CSMD1: variants seen among roughly 807,000 people sequenced by gnomAD.
CSMD1 encodes CUB and Sushi multiple domains 1, also known as CUB and sushi domain-containing protein 1.
Under a neutral mutation model 417.5 loss-of-function variants are expected in CSMD1, and 213 were observed. That is an observed-to-expected ratio of 0.51 (90% CI 0.46 to 0.57). The LOEUF (loss-of-function observed/expected upper bound fraction) is 0.57. Among genes scored for constraint, CSMD1 ranks in the 20% least tolerant of loss-of-function variants. The pLI is 0.00. For synonymous variants in CSMD1, 2,862 were observed against 1,736.8 expected, an observed-to-expected ratio of 1.65 and a Z score of -16.11; for missense variants, 6,923 against 4,529.7, an observed-to-expected ratio of 1.53 and a Z score of -15.17.
intron 49 of CSMD1, among the ~76,000 whole-genome samples, chr8:3,057,633 C>T (rs954810722): frequency 2.6e-5 from 4 of 152,112 alleles, no homozygotes; most frequent in South Asian, 2.1e-4. Flanking sequence ...AAACGTTATT[C>T]GACTTTCTTA....
At chr8:3,692,385 T>G (rs1344103459) in intron 7 of CSMD1, among the ~76,000 whole-genome samples, 1 of 152,112 alleles carries the variant, frequency 6.6e-6, no homozygotes, top group Non-Finnish European at 1.5e-5. Flanking sequence ...TCTGTGGAGC[T>G]TGTCACTTCT....
intron 26 of CSMD1, among the ~76,000 whole-genome samples, chr8:3,266,095 A>G (rs1197692113): frequency 6.6e-6 from 1 of 151,464 alleles, no homozygotes; most frequent in African/African-American, 2.4e-5. Context: ...GCCTGGGGGA[A>G]AAATTAATTT....
Position 4,775,767 on chromosome 8 carries a change from C to T in CSMD1, c.86-138209G>A, listed in dbSNP as rs180973682. ...CCTGCCATCCAAGAGTCTGCTCACT[C>T]GTGTGGATGTGGATGCACTGGGGAT... On this transcript the variant is annotated intron_variant, in intron 1 of 69. Coordinates refer to ENST00000635120, the MANE Select transcript of CSMD1 (RefSeq NM_033225.6). Among the ~76,000 whole-genome samples, 42 of 152,234 alleles carry T rather than the reference C, an allele frequency of 2.8e-4. No homozygotes were observed. In the East Asian group the frequency reaches 7.2e-3, roughly 26 times the overall value.
intron 1 of CSMD1, among the ~76,000 whole-genome samples, chr8:4,969,540 G>A (rs1056950273): frequency 2.0e-5 from 3 of 151,410 alleles, no homozygotes; most frequent in Non-Finnish European, 4.4e-5. Context: ...CAGTGTCTAG[G>A]AAATAATATT....
At chr8:3,433,709 A>G (rs771892689) in intron 12 of CSMD1, among the ~76,000 whole-genome samples, 2 of 152,126 alleles carry the variant, frequency 1.3e-5, no homozygotes, top group Non-Finnish European at 2.9e-5. Context: ...CTGCAACCCC[A>G]TATTCTTATT....
chr8:3,611,351 G>A (rs1423622626), intron 8 of CSMD1, among the ~76,000 whole-genome samples: 2 of 152,124 alleles, frequency 1.3e-5, no homozygotes, highest in Non-Finnish European at 2.9e-5. Context: ...GGTGAAGCCT[G>A]AGGGAGCTCT....
chr8:3,888,652 G>A (rs182810549), intron 5 of CSMD1, among the ~76,000 whole-genome samples: 1 of 152,112 alleles, frequency 6.6e-6, no homozygotes, highest in African/African-American at 2.4e-5. Flanking sequence ...ATCATGTTGA[G>A]ATTAATCTCA....
chr8:3,506,030 T>A (rs563093665), intron 10 of CSMD1, among the ~76,000 whole-genome samples: 1 of 152,312 alleles, frequency 6.6e-6, no homozygotes, highest in South Asian at 2.1e-4. Context: ...ACAATATAAT[T>A]TAACAAATGT....
chr8:4,732,447 A>G (rs1290086364), intron 1 of CSMD1, among the ~76,000 whole-genome samples: 2 of 150,936 alleles, frequency 1.3e-5, no homozygotes, highest in African/African-American at 4.9e-5. Flanking sequence ...CTCACTCACA[A>G]GTGCTTAAGA....
rs376978355 is a variant in CSMD1, at chr8:3,411,691, T to C, written c.1562-2086A>G. Among the ~76,000 whole-genome samples the C allele has an allele frequency of 4.3e-4, 47 of 110,410 alleles. 2 individuals carry two copies. Among genetic ancestry groups the C allele is most frequent in the Admixed American group, 7.1e-4 (8 of 11,316 alleles). The allele number at this position is 110,410 out of a possible 152,430, so 72.4% of individuals were successfully genotyped here. ...ATACGTGTATATATACGTGTATATA[T>C]ACACACGTATATATACACGTATATA... is the stretch of plus-strand genomic sequence containing the variant. On this transcript the variant is annotated intron_variant, in intron 12 of 69. Transcript: ENST00000635120.
At chr8:4,925,512 A>T (rs1269284753) in intron 1 of CSMD1, among the ~76,000 whole-genome samples, 2 of 150,916 alleles carry the variant, frequency 1.3e-5, no homozygotes, top group African/African-American at 4.9e-5. Context: ...TTATTCTGAA[A>T]CGTGGGTATT....
intron 2 of CSMD1, among the ~76,000 whole-genome samples, chr8:4,423,864 G>C (rs141227084): frequency 6.6e-6 from 1 of 152,108 alleles, no homozygotes; most frequent in East Asian, 1.9e-4. Context: ...GATTGGCAAA[G>C]ACATAAACCC....
intron 5 of CSMD1, among the ~76,000 whole-genome samples, chr8:3,858,140 C>G (rs1234056709): frequency 6.6e-6 from 1 of 152,160 alleles, no homozygotes; most frequent in African/African-American, 2.4e-5. Flanking sequence ...CTATCTCTCA[C>G]TAGAGGTAGA....
At chr8:4,529,854 T>C in intron 2 of CSMD1, among the ~76,000 whole-genome samples, 1 of 151,468 alleles carries the variant, frequency 6.6e-6, no homozygotes, top group Admixed American at 6.6e-5. Context: ...GTCAGGTTGC[T>C]GCCCATGCTG....
intron 47 of CSMD1, among the ~76,000 whole-genome samples, chr8:3,093,446 C>T (rs905898705): frequency 5.3e-5 from 8 of 152,096 alleles, no homozygotes; most frequent in African/African-American, 1.7e-4. Flanking sequence ...GCGAGTGGAT[C>T]GCCTGAGGTC....
intron 25 of CSMD1, among the ~76,000 whole-genome samples, chr8:3,303,151 C>G (rs989924948): frequency 2.6e-5 from 4 of 152,192 alleles, no homozygotes; most frequent in African/African-American, 9.6e-5. Context: ...ATTGGACATG[C>G]TTTTATTCCT....
intron 18 of CSMD1, among the ~76,000 whole-genome samples, chr8:3,371,430 C>T (rs7842576): frequency 0.53 from 80,906 of 151,474 alleles, 21,845 homozygotes; most frequent in African/African-American, 0.59. Flanking sequence ...ACAAGTGAAA[C>T]ATCACTCAGT....
chr8:4,980,431 G>C lies in CSMD1; in HGVS notation c.85+13901C>G, dbSNP rs146962208. 5.2e-3 allele frequency among the ~76,000 whole-genome samples: 798 copies of C among 152,324 alleles called. 7 individuals carry two copies. The highest frequency in any genetic ancestry group is 0.018 in the African/African-American group (761 of 41,570). On this transcript the variant is annotated intron_variant, in intron 1 of 69. Coordinates refer to ENST00000635120, the MANE Select transcript of CSMD1 (RefSeq NM_033225.6). Reference sequence around the variant, plus strand: ...CTGGTCTTGTGTGTGTGGGAAGGAAGGAGTTTGTCAGGCGAGGAGGCTTTC... The same window carrying C: ...CTGGTCTTGTGTGTGTGGGAAGGAACGAGTTTGTCAGGCGAGGAGGCTTTC...
In CSMD1 at chr8:3,408,149, G is replaced by T; in HGVS notation, c.1821C>A (p.Asn607Lys). The change falls in exon 14 of 70, where the codon AAC becomes AAA. Residue 607 changes from asparagine to lysine, a missense_variant. By Grantham distance (94) the Asn-to-Lys change is moderately conservative. Coordinates refer to ENST00000635120, the MANE Select transcript of CSMD1 (RefSeq NM_033225.6). The part of the protein sequence containing the change: ...SPNYPEEYGN[N>K]MNCVWLIISE... ...AGATAATCAACCAGACACAGTTCATGTTGTTCCCATATTCCTCTGGATAAT... is the reference window on the plus strand; with the variant it reads ...AGATAATCAACCAGACACAGTTCATTTTGTTCCCATATTCCTCTGGATAAT... The T allele has an allele frequency of 2.5e-6, 4 of 1,613,396 alleles. No homozygotes were observed. The highest frequency in any genetic ancestry group is 3.4e-6 in the Non-Finnish European group (4 of 1,179,578).
Sources: allele counts gnomAD v4.1 joint callset (sites outside exome capture counted in the v4.1 genomes callset), GRCh38; gene constraint gnomAD v4.1.1; transcripts MANE v1.5; gene names NCBI Gene and HGNC (gene_info 2026-07-23, HGNC 2026-07-21).